Variants in TMEM163 observed in about 807,000 individuals in gnomAD.
TMEM163 encodes the protein transmembrane protein 163.
TMEM163 carries 17 observed loss-of-function variants against 29.3 expected under a neutral mutation model. The ratio of observed to expected loss-of-function variants is 0.58; its 90% CI spans 0.40 to 0.87. TMEM163 has a LOEUF of 0.87. TMEM163 is among the 40% of genes least tolerant of loss of function. TMEM163 has a pLI of 0.00. For missense variants in TMEM163, 303 were observed against 381.5 expected (o/e 0.79, Z 1.71); for synonymous variants, 157 against 160.6 (o/e 0.98, Z 0.17).
chr2:134,559,754 T>C (rs949578063), intron 2 of TMEM163, among the ~76,000 whole-genome samples: 1 of 150,452 alleles, frequency 6.6e-6, no homozygotes, highest in East Asian at 1.9e-4. Flanking sequence ...CTTGAAGAGG[T>C]TAGAAAATAT....
intron 2 of TMEM163, among the ~76,000 whole-genome samples, chr2:134,609,967 G>C (rs1474074915): frequency 1.3e-5 from 2 of 152,182 alleles, no homozygotes; most frequent in African/African-American, 2.4e-5. Flanking sequence ...ACAGGGGAAG[G>C]GGAGGAGAAA....
intron 2 of TMEM163, among the ~76,000 whole-genome samples, chr2:134,570,971 G>A (rs1681408605): frequency 3.9e-5 from 6 of 152,194 alleles, no homozygotes; most frequent in Admixed American, 3.9e-4. Flanking sequence ...AAACTAACAT[G>A]AGGATTTCCA....
In TMEM163 at chr2:134,456,268, T is replaced by C. The variant is rs1161262196; in HGVS notation, c.*448A>G. 1 of 162,074 alleles carries C rather than the reference T, an allele frequency of 6.2e-6. No individual in the cohort carries two copies. The highest frequency in any genetic ancestry group is 1.4e-5 in the Non-Finnish European group (1 of 73,686). The allele number at this position is 162,074 out of a possible 1,614,324, so 10.0% of individuals were successfully genotyped here. On this transcript the variant is annotated 3_prime_UTR_variant, in exon 8 of 8. Transcript: ENST00000281924. Reference sequence around the variant, plus strand: ...AGTGACATACTGATGATTCTGGGTATGTAAAGGGTGAGGGGTACAATCTTC... The same window carrying C: ...AGTGACATACTGATGATTCTGGGTACGTAAAGGGTGAGGGGTACAATCTTC...
intron 6 of TMEM163, among the ~76,000 whole-genome samples, chr2:134,465,205 AAAAAC>A (rs1450132463): frequency 7.6e-5 from 10 of 130,952 alleles, no homozygotes; most frequent in African/African-American, 1.1e-4. Flanking sequence ...AAAAAAAAAC[AAAAAC>A]AAAACAAAAA....
intron 4 of TMEM163, among the ~76,000 whole-genome samples, chr2:134,525,427 T>C (rs550481663): frequency 6.6e-6 from 1 of 152,300 alleles, no homozygotes; most frequent in Non-Finnish European, 1.5e-5. Context: ...GATTGTTGTG[T>C]TCTCCATCAG....
chr2:134,566,235 A>C (rs1681297787), intron 2 of TMEM163, among the ~76,000 whole-genome samples: 1 of 152,208 alleles, frequency 6.6e-6, no homozygotes, highest in Admixed American at 6.5e-5. Context: ...AACTGAAAAA[A>C]CGAGAAGAAA....
Position 134,550,611 on chromosome 2 carries a change from G to A in TMEM163, c.417C>T (p.Tyr139=), listed in dbSNP as rs576374684. The change falls in exon 4 of 8, where the codon TAC becomes TAT. Residue 139 remains tyrosine, a synonymous_variant. Transcript: ENST00000281924. ...CAGAGTGCACAGCGGCCGCGTTGCT[G>A]TAACGCCACAGGACAATCGCCGATG... ...VLSSAIVLWR[Y]SNAAAVHSAH... 4.3e-6 allele frequency: 7 copies of A among 1,614,216 alleles called. No individual in the cohort carries two copies. In the African/African-American group the frequency reaches 8.0e-5, roughly 18 times the overall value.
At chr2:134,517,718 A>G (rs552756685) in intron 4 of TMEM163, among the ~76,000 whole-genome samples, 3 of 152,352 alleles carry the variant, frequency 2.0e-5, no homozygotes, top group African/African-American at 7.2e-5. Flanking sequence ...CAAGATCCTG[A>G]CATACTAAAA....
chr2:134,501,480 T>G (rs1679696420), intron 5 of TMEM163, among the ~76,000 whole-genome samples: 1 of 152,232 alleles, frequency 6.6e-6, no homozygotes, highest in Non-Finnish European at 1.5e-5. Context: ...AATAAATGAA[T>G]GTGTCAACTG....
chr2:134,677,393 G>T (rs1684139020), intron 2 of TMEM163, among the ~76,000 whole-genome samples: 1 of 152,130 alleles, frequency 6.6e-6, no homozygotes, highest in South Asian at 2.1e-4. Context: ...ACACGAAAAG[G>T]CATGGAGAAG....
chr2:134,661,915 CATTA>C (rs1420724888), intron 2 of TMEM163, among the ~76,000 whole-genome samples: 1 of 136,660 alleles, frequency 7.3e-6, no homozygotes, highest in African/African-American at 2.8e-5. Context: ...TTCATGGATT[CATTA>C]ATTTTCTTTC....
chr2:134,618,306 C>T (rs1682656185), intron 2 of TMEM163, among the ~76,000 whole-genome samples: 1 of 151,964 alleles, frequency 6.6e-6, no homozygotes, highest in Non-Finnish European at 1.5e-5. Flanking sequence ...AGGACTATTA[C>T]TAGAGGTAAA....
chr2:134,551,965 C>T, intron 3 of TMEM163, 83 bp downstream of exon 3: 1 of 1,105,640 alleles, frequency 9.0e-7, no homozygotes, highest in Non-Finnish European at 1.4e-6. Flanking sequence ...ACTAACCACC[C>T]TCATTTGAGG....
At chr2:134,649,669 A>G (rs962197213) in intron 2 of TMEM163, among the ~76,000 whole-genome samples, 13 of 152,172 alleles carry the variant, frequency 8.5e-5, no homozygotes, top group Admixed American at 8.5e-4. Context: ...TTTAAGTGTC[A>G]ATCAGTGTTG....
intron 2 of TMEM163, among the ~76,000 whole-genome samples, chr2:134,674,348 T>TTA (rs1304985105): frequency 9.2e-4 from 136 of 147,332 alleles, no homozygotes; most frequent in African/African-American, 3.0e-3. Flanking sequence ...TAATTTTTTT[T>TTA]TTTTTTTTTT....
rs1357387708 is a variant in TMEM163 at position 134,552,107 on chromosome 2, ATAT to A, written c.323-19_323-17del. 1.2e-6 allele frequency: 2 copies of A among 1,607,446 alleles called. No individual in the cohort carries two copies. Among genetic ancestry groups the A allele is most frequent in the Non-Finnish European group, 1.7e-6 (2 of 1,175,230 alleles). On this transcript the variant is annotated splice_polypyrimidine_tract_variant and intron_variant, in intron 2 of 7. Coordinates refer to ENST00000281924, the MANE Select transcript of TMEM163 (RefSeq NM_030923.5). ...ACGGAGACAGCTAAAAAGAAAGAAAATATTATTCAGAATATTTTAAAACCTCTC... is the reference window on the plus strand; with the variant it reads ...ACGGAGACAGCTAAAAAGAAAGAAAATATTCAGAATATTTTAAAACCTCTC...
chr2:134,636,470 CAGTG>C (rs1241191301), intron 2 of TMEM163, among the ~76,000 whole-genome samples: 1 of 152,200 alleles, frequency 6.6e-6, no homozygotes, highest in Non-Finnish European at 1.5e-5. Flanking sequence ...ATAACTGAGA[CAGTG>C]AAAGAGACTT....
chr2:134,570,553 CCTTA>C (rs1026723289), intron 2 of TMEM163, among the ~76,000 whole-genome samples: 1 of 151,634 alleles, frequency 6.6e-6, no homozygotes, highest in African/African-American at 2.4e-5. Flanking sequence ...ATTCTGCCCT[CCTTA>C]CTTCTAATAA....
chr2:134,713,850 AC>A, intron 1 of TMEM163, among the ~76,000 whole-genome samples: 1 of 152,310 alleles, frequency 6.6e-6, no homozygotes, highest in African/African-American at 2.4e-5. Context: ...CAGGAGAAGA[AC>A]CATTTCTCTT....
Sources: allele counts gnomAD v4.1 joint callset (sites outside exome capture counted in the v4.1 genomes callset), GRCh38; gene constraint gnomAD v4.1.1; transcripts MANE v1.5; gene names NCBI Gene and HGNC (gene_info 2026-07-23, HGNC 2026-07-21).